Variants in MATR3 observed in about 807,000 individuals in gnomAD.
MATR3 encodes matrin-3.
MATR3 carries 4 observed loss-of-function variants against 85.5 expected under a neutral mutation model. The ratio of observed to expected loss-of-function variants is 0.05; its 90% CI spans 0.02 to 0.11. The LOEUF is 0.11. MATR3 is among the 10% of genes least tolerant of loss of function. MATR3 has a pLI of 1.00. For missense variants in MATR3, 685 were observed against 1,016.1 expected, an observed-to-expected ratio of 0.67 and a Z score of 4.43; for synonymous variants, 336 against 343.1, an observed-to-expected ratio of 0.98 and a Z score of 0.23.
At chr5:139,314,864 C>T (rs929909462) in intron 3 of MATR3, 128 bp downstream of exon 3, 4 of 783,242 alleles carry the variant, frequency 5.1e-6, no homozygotes, top group Admixed American at 4.1e-5. Flanking sequence ...ACTGTATGGA[C>T]AATACTATTT....
intron 3 of MATR3, among the ~76,000 whole-genome samples, chr5:139,286,346 TTTA>T (rs1311056784): frequency 1.3e-5 from 2 of 151,916 alleles, no homozygotes; most frequent in Non-Finnish European, 2.9e-5. Flanking sequence ...TTAAAAGCTA[TTTA>T]TTTATTATAA....
chr5:139,309,042 T>C (rs1210367632), intron 2 of MATR3, among the ~76,000 whole-genome samples: 1 of 152,220 alleles, frequency 6.6e-6, no homozygotes, highest in Non-Finnish European at 1.5e-5. Flanking sequence ...GTGTTCCTCA[T>C]AAACAAATTC....
At chr5:139,281,935 A>C (rs142142793) in intron 3 of MATR3, among the ~76,000 whole-genome samples, 2 of 152,342 alleles carry the variant, frequency 1.3e-5, no homozygotes, top group African/African-American at 4.8e-5. Flanking sequence ...GCACCTGTCC[A>C]TGATTTCACT....
At chr5:139,316,829 A>C (rs1290567283) in intron 5 of MATR3, among the ~76,000 whole-genome samples, 1 of 152,168 alleles carries the variant, frequency 6.6e-6, no homozygotes, top group Non-Finnish European at 1.5e-5. Flanking sequence ...TACAGGTTTG[A>C]GTCACCACAC....
rs1403870462 is a variant in MATR3 at position 139,330,732 on chromosome 5, T to G, written c.*1337T>G. ...GGAAGTAATACGGATGAGCAAGAAT[T>G]AGTTCTGCAGCTTTTCAAAATAATT... On this transcript the variant is annotated 3_prime_UTR_variant, in exon 15 of 15. Transcript: ENST00000394805. 1 of 454,096 alleles carries G rather than the reference T, an allele frequency of 2.2e-6. No homozygotes were observed. The highest frequency in any genetic ancestry group is 2.0e-5 in the African/African-American group (1 of 50,120). The allele number at this position is 454,096 out of a possible 1,614,324, so 28.1% of individuals were successfully genotyped here. A position where few individuals can be genotyped will look rare whatever the true frequency, so the allele number is the denominator to read the frequency against.
chr5:139,275,476 C>T (rs935677103), intron 1 of MATR3, among the ~76,000 whole-genome samples: 6 of 152,136 alleles, frequency 3.9e-5, no homozygotes, highest in African/African-American at 9.7e-5. Context: ...GTTTCTCTCA[C>T]TGGATAACTT....
At chr5:139,313,536 C>T (rs570689074) in intron 2 of MATR3, 3 of 152,216 alleles carry the variant, frequency 2.0e-5, no homozygotes, top group African/African-American at 7.2e-5. Context: ...TGTAACTTCT[C>T]TTTCTTACAT....
chr5:139,283,511 A>G (rs185810220), intron 3 of MATR3: 180 of 152,536 alleles, frequency 1.2e-3, no homozygotes, highest in Non-Finnish European at 2.2e-3. Flanking sequence ...TCTTACCCCA[A>G]CAATGATCTG....
At chr5:139,296,307 C>T (rs1439562494) in intron 1 of MATR3, among the ~76,000 whole-genome samples, 2 of 152,002 alleles carry the variant, frequency 1.3e-5, no homozygotes, top group Admixed American at 6.6e-5. Flanking sequence ...AAAATGGTAA[C>T]GGTATACAGT....
At chr5:139,287,279 G>A (rs1753734994) in intron 3 of MATR3, among the ~76,000 whole-genome samples, 2 of 152,230 alleles carry the variant, frequency 1.3e-5, no homozygotes, top group South Asian at 2.1e-4. Flanking sequence ...AATTGGAAAA[G>A]GTCCTCATTA....
At chr5:139,304,831 C>T (rs1436561475) in intron 1 of MATR3, among the ~76,000 whole-genome samples, 1 of 152,090 alleles carries the variant, frequency 6.6e-6, no homozygotes, top group Non-Finnish European at 1.5e-5. Flanking sequence ...TAAGTGTCTC[C>T]ATATTGTGCT....
chr5:139,302,530 A>G (rs1339547637), intron 1 of MATR3, among the ~76,000 whole-genome samples: 1 of 152,232 alleles, frequency 6.6e-6, no homozygotes, highest in East Asian at 1.9e-4. Context: ...CCATTATAAA[A>G]TTTAATAAAT....
At chr5:139,324,657 G>GTA (rs1423990538) in intron 12 of MATR3, among the ~76,000 whole-genome samples, 1 of 152,104 alleles carries the variant, frequency 6.6e-6, no homozygotes, top group Non-Finnish European at 1.5e-5. Context: ...GGTATTTGCA[G>GTA]TATACTGTCT....
rs1453165867 is a variant in MATR3 at position 139,331,300 on chromosome 5, A to G, written c.*1905A>G. ...CTGCAATTTAATTTTAGCCTTTACT[A>G]ATTACCCACTTCTGTTTAATTCCAA... On this transcript the variant is annotated 3_prime_UTR_variant, in exon 15 of 15. Coordinates refer to ENST00000394805, the MANE Select transcript of MATR3 (RefSeq NM_018834.6). 7 of 454,158 alleles carry G rather than the reference A, an allele frequency of 1.5e-5. No individual in the cohort carries two copies. Among genetic ancestry groups the G allele is most frequent in the South Asian group, 6.2e-5 (4 of 64,478 alleles). The allele number at this position is 454,158 out of a possible 1,614,324, so 28.1% of individuals were successfully genotyped here.
intron 9 of MATR3, among the ~76,000 whole-genome samples, chr5:139,320,337 G>A (rs1755493368): frequency 6.6e-6 from 1 of 152,032 alleles, no homozygotes; most frequent in Admixed American, 6.6e-5. Context: ...TAGGCTGGAT[G>A]CATTGGCTCA....
chr5:139,293,454 A>C (rs955523507), upstream of MATR3: 2 of 152,520 alleles, frequency 1.3e-5, no homozygotes, highest in African/African-American at 4.8e-5. Flanking sequence ...GCTATTCAGG[A>C]GGTTGACAAA....
At chr5:139,308,911 A>AT (rs950511908) in intron 2 of MATR3, among the ~76,000 whole-genome samples, 1 of 151,732 alleles carries the variant, frequency 6.6e-6, no homozygotes, top group Admixed American at 6.6e-5. Flanking sequence ...ATTTTTCATC[A>AT]TTTTTTTTCT....
At chr5:139,299,224 CAG>C (rs769107189) in intron 1 of MATR3, among the ~76,000 whole-genome samples, 1 of 152,118 alleles carries the variant, frequency 6.6e-6, no homozygotes, top group Non-Finnish European at 1.5e-5. Context: ...CATGAAATGA[CAG>C]AGGGATGCCT....
At chr5:139,292,804 G>A (rs1357348862), upstream of MATR3, among the ~76,000 whole-genome samples, 1 of 152,188 alleles carries the variant, frequency 6.6e-6, no homozygotes, top group Non-Finnish European at 1.5e-5. Context: ...TTAGCCAGGC[G>A]TCGTGGCGGG....
Sources: allele counts gnomAD v4.1 joint callset (sites outside exome capture counted in the v4.1 genomes callset), GRCh38; gene constraint gnomAD v4.1.1; transcripts MANE v1.5; gene names NCBI Gene and HGNC (gene_info 2026-07-23, HGNC 2026-07-21).